Variants in CAMK4 observed in about 807,000 individuals in gnomAD.
The protein encoded by CAMK4 is calcium/calmodulin-dependent protein kinase type IV.
Under a neutral mutation model 44.9 loss-of-function variants are expected in CAMK4, and 22 were observed. The observed-to-expected ratio is 0.49, with a 90% CI of 0.35 to 0.70. The LOEUF (loss-of-function observed/expected upper bound fraction) is 0.70. Ranked by LOEUF, CAMK4 falls within the 30% of genes least tolerant of loss-of-function variation. The pLI, the probability that CAMK4 is intolerant of heterozygous loss-of-function variation, is 0.01. For synonymous variants in CAMK4, 218 were observed against 215.4 expected (o/e 1.01, Z -0.11); for missense variants, 498 against 586.8 (o/e 0.85, Z 1.56).
At chr5:111,455,763 A>G (rs1754392593) in intron 7 of CAMK4, among the ~76,000 whole-genome samples, 1 of 152,084 alleles carries the variant, frequency 6.6e-6, no homozygotes, top group Non-Finnish European at 1.5e-5. Flanking sequence ...CTGTTGTGGT[A>G]TTGTTGTTGT....
intron 1 of CAMK4, among the ~76,000 whole-genome samples, chr5:111,323,677 T>C (rs1289867487): frequency 6.6e-6 from 1 of 151,980 alleles, no homozygotes; most frequent in Non-Finnish European, 1.5e-5. Context: ...TGTCTCAAAA[T>C]GAGACTAAAA....
At chr5:111,229,291 G>T (rs1009882598) in intron 1 of CAMK4, among the ~76,000 whole-genome samples, 1 of 152,122 alleles carries the variant, frequency 6.6e-6, no homozygotes, top group African/African-American at 2.4e-5. Flanking sequence ...CTGCCTTCTC[G>T]CTGTGTCGTC....
At position 111,487,096 on chromosome 5, in the gene CAMK4, A is replaced by G. The variant is rs1755658365; in HGVS notation, c.*2630A>G. 6.6e-6 allele frequency: 1 copy of G among 152,222 alleles called. No individual in the cohort carries two copies. The highest frequency in any genetic ancestry group is 2.4e-5 in the African/African-American group (1 of 41,456). 9.4% of individuals were successfully genotyped at this position (152,222 alleles called of 1,614,324 possible). A position where few individuals can be genotyped will look rare whatever the true frequency, so the allele number is the denominator to read the frequency against. On this transcript the variant is annotated 3_prime_UTR_variant, in exon 11 of 11. Coordinates refer to ENST00000282356, the MANE Select transcript of CAMK4 (RefSeq NM_001744.6). Reference sequence around the variant, plus strand: ...TATATTGCTTGTTAAAATGGAATGTATTGTCTATCTCAAAGATTACTTAGC... The same window carrying G: ...TATATTGCTTGTTAAAATGGAATGTGTTGTCTATCTCAAAGATTACTTAGC...
rs1392453713 is a variant in CAMK4, at chr5:111,494,738, T to G, written c.*10272T>G. On this transcript the variant is annotated 3_prime_UTR_variant, in exon 11 of 11. Coordinates refer to ENST00000282356, the MANE Select transcript of CAMK4 (RefSeq NM_001744.6). Reference sequence around the variant, plus strand: ...GGTGTTGGAAGACTAATTGTAGAAATTTGACCTGAGGGCCAATGTTACTTG... The same window carrying G: ...GGTGTTGGAAGACTAATTGTAGAAAGTTGACCTGAGGGCCAATGTTACTTG... 6.6e-6 allele frequency: 1 copy of G among 152,118 alleles called. No homozygotes were observed. The highest frequency in any genetic ancestry group is 1.5e-5 in the Non-Finnish European group (1 of 68,006). The allele number at this position is 152,118 out of a possible 1,614,324, so 9.4% of individuals were successfully genotyped here.
At chr5:111,310,291 A>G (rs1345146705) in intron 1 of CAMK4, among the ~76,000 whole-genome samples, 1 of 152,190 alleles carries the variant, frequency 6.6e-6, no homozygotes, top group Admixed American at 6.5e-5. Flanking sequence ...TTCTTTGGAA[A>G]TAAATGTATC....
chr5:111,428,850 G>A (rs1046765541), intron 5 of CAMK4, among the ~76,000 whole-genome samples: 1 of 152,116 alleles, frequency 6.6e-6, no homozygotes, highest in Non-Finnish European at 1.5e-5. Context: ...AGTACAAGGA[G>A]GTTATAGAAT....
intron 6 of CAMK4, among the ~76,000 whole-genome samples, chr5:111,448,175 T>A (rs1279572761): frequency 6.6e-6 from 1 of 152,216 alleles, no homozygotes; most frequent in South Asian, 2.1e-4. Context: ...TAGTTCATAA[T>A]GGTAGCAACT....
intron 5 of CAMK4, among the ~76,000 whole-genome samples, chr5:111,432,050 A>T (rs940497887): frequency 6.6e-6 from 1 of 152,120 alleles, no homozygotes; most frequent in African/African-American, 2.4e-5. Flanking sequence ...AGATATCTGC[A>T]CTCCCATGTT....
At chr5:111,292,552 T>C (rs1340246089) in intron 1 of CAMK4, among the ~76,000 whole-genome samples, 2 of 152,150 alleles carry the variant, frequency 1.3e-5, no homozygotes, top group East Asian at 3.9e-4. Context: ...GACATATTTT[T>C]CTCTGTTTAA....
intron 1 of CAMK4, among the ~76,000 whole-genome samples, chr5:111,225,264 G>GA (rs1183140757): frequency 6.7e-6 from 1 of 149,458 alleles, no homozygotes; most frequent in East Asian, 2.1e-4. Flanking sequence ...TAGTGAGAAT[G>GA]CTGCTGCTTC....
rs116767703 is a variant in CAMK4, at chr5:111,373,990, A to G, written c.241-860A>G. ...TATCCCTAATTTTGGAATATCCTGA[A>G]CTAAATCGCCATTGTCCCAAACAAA... On this transcript the variant is annotated intron_variant, in intron 2 of 10. Transcript: ENST00000282356. 7.6e-3 allele frequency among the ~76,000 whole-genome samples: 1,158 copies of G among 152,288 alleles called. 17 individuals carry two copies. The highest frequency in any genetic ancestry group is 0.027 in the African/African-American group (1,112 of 41,560).
chr5:111,357,201 G>A (rs992409361), intron 2 of CAMK4, among the ~76,000 whole-genome samples: 16 of 152,128 alleles, frequency 1.1e-4, no homozygotes, highest in African/African-American at 3.9e-4. Context: ...GAGAGCTTAT[G>A]TTACTTCACT....
At chr5:111,357,792 C>G (rs774160694) in intron 2 of CAMK4, among the ~76,000 whole-genome samples, 1 of 152,074 alleles carries the variant, frequency 6.6e-6, no homozygotes, top group Non-Finnish European at 1.5e-5. Context: ...GGAACCCACA[C>G]TGAATTGTTA....
Position 111,486,938 on chromosome 5 carries a change from C to G in CAMK4, c.*2472C>G, listed in dbSNP as rs1331204385. On this transcript the variant is annotated 3_prime_UTR_variant, in exon 11 of 11. Transcript: ENST00000282356. Reference sequence around the variant, plus strand: ...ATAATGACTATATAGTGACTAATTTCATTGTTTCAGTAGGAAACAAATCAA... The same window carrying G: ...ATAATGACTATATAGTGACTAATTTGATTGTTTCAGTAGGAAACAAATCAA... 4 of 152,120 alleles carry G rather than the reference C, an allele frequency of 2.6e-5. No homozygotes were observed. The allele number at this position is 152,120 out of a possible 1,614,324, so 9.4% of individuals were successfully genotyped here.
chr5:111,361,669 A>C (rs554687382), intron 2 of CAMK4, among the ~76,000 whole-genome samples: 1 of 152,196 alleles, frequency 6.6e-6, no homozygotes, highest in South Asian at 2.1e-4. Flanking sequence ...GACAGTGATT[A>C]GTAAACATAT....
At chr5:111,273,677 T>TTATATATATATATATATA (rs1160351356) in intron 1 of CAMK4, among the ~76,000 whole-genome samples, 2 of 41,124 alleles carry the variant, frequency 4.9e-5, no homozygotes, top group Non-Finnish European at 1.1e-4. Context: ...AAAAATGCAT[T>TTATATATATATATATATA]TATATATATA....
Position 111,490,223 on chromosome 5 carries a change from C to CT in CAMK4, c.*5760dup, listed in dbSNP as rs1755769772. Reference sequence around the variant, plus strand: ...TTGTTTTCCCTGAGCTCTCTCTCAACTTTGACAGTTTGTGAATGATAAAAA... The same window carrying CT: ...TTGTTTTCCCTGAGCTCTCTCTCAACTTTTGACAGTTTGTGAATGATAAAAA... On this transcript the variant is annotated 3_prime_UTR_variant, in exon 11 of 11. Coordinates refer to ENST00000282356, the MANE Select transcript of CAMK4 (RefSeq NM_001744.6). 1 of 152,180 alleles carries CT rather than the reference C, an allele frequency of 6.6e-6. No individual in the cohort carries two copies. The highest frequency in any genetic ancestry group is 1.5e-5 in the Non-Finnish European group (1 of 68,032). The allele number at this position is 152,180 out of a possible 1,614,324, so 9.4% of individuals were successfully genotyped here.
intron 4 of CAMK4, among the ~76,000 whole-genome samples, chr5:111,390,173 A>G (rs955048279): frequency 6.6e-6 from 1 of 152,146 alleles, no homozygotes; most frequent in Non-Finnish European, 1.5e-5. Flanking sequence ...TTCTCCTTTC[A>G]TTTGACCCTA....
intron 5 of CAMK4, among the ~76,000 whole-genome samples, chr5:111,439,780 T>C (rs768349845): frequency 2.6e-5 from 4 of 151,970 alleles, no homozygotes; most frequent in Non-Finnish European, 5.9e-5. Flanking sequence ...CCTAAGCAAG[T>C]GGAAGACCTG....
Sources: gnomAD v4.1 joint callset for allele counts (sites outside exome capture counted in the v4.1 genomes callset) on GRCh38, gnomAD v4.1.1 for gene constraint, MANE v1.5 for transcripts, NCBI Gene and HGNC (gene_info 2026-07-23, HGNC 2026-07-21) for gene names.